The following TMEM178B variants were observed in gnomAD, a reference collection of about 807,000 sequenced individuals.
TMEM178B encodes transmembrane protein 178B.
Under a neutral mutation model 31.0 loss-of-function variants are expected in TMEM178B, and 5 were observed. The observed-to-expected ratio is 0.16, with a 90% CI of 0.08 to 0.34. The LOEUF is 0.34. TMEM178B is among the 10% of genes least tolerant of loss of function. TMEM178B has a pLI of 1.00. For missense variants in TMEM178B, 275 were observed against 400.3 expected (o/e 0.69, Z 2.67); for synonymous variants, 164 against 164.0 (o/e 1.00, Z 0.00).
intron 3 of TMEM178B, among the ~76,000 whole-genome samples, chr7:141,454,135 G>T (rs1424808221): frequency 6.6e-6 from 1 of 151,934 alleles, no homozygotes; most frequent in African/African-American, 2.4e-5. Context: ...TTACCCCTCT[G>T]GCTCAGCTCT....
intron 2 of TMEM178B, among the ~76,000 whole-genome samples, chr7:141,288,489 A>G (rs895309111): frequency 2.0e-5 from 3 of 151,972 alleles, no homozygotes; most frequent in Non-Finnish European, 4.4e-5. Context: ...AAATGAAAAA[A>G]AAAAAAGATT....
At chr7:141,326,546 A>G (rs1283988522) in intron 2 of TMEM178B, among the ~76,000 whole-genome samples, 1 of 152,184 alleles carries the variant, frequency 6.6e-6, no homozygotes, top group Non-Finnish European at 1.5e-5. Flanking sequence ...GAATGTTCCT[A>G]TTATAGATTA....
intron 1 of TMEM178B, among the ~76,000 whole-genome samples, chr7:141,192,132 A>G (rs1796706935): frequency 6.6e-6 from 1 of 152,174 alleles, no homozygotes; most frequent in Non-Finnish European, 1.5e-5. Flanking sequence ...TATATAGTAA[A>G]TTCCCATATT....
intron 1 of TMEM178B, among the ~76,000 whole-genome samples, chr7:141,159,397 C>A (rs151107301): frequency 3.3e-5 from 5 of 152,122 alleles, no homozygotes; most frequent in Non-Finnish European, 7.3e-5. Context: ...TGGTAGCTCC[C>A]CCAAAAATTA....
At chr7:141,240,908 A>G (rs1473029198) in intron 2 of TMEM178B, among the ~76,000 whole-genome samples, 3 of 151,568 alleles carry the variant, frequency 2.0e-5, no homozygotes, top group Non-Finnish European at 4.4e-5. Flanking sequence ...GCACTTCTGG[A>G]CTTCCTGCCT....
At chr7:141,423,395 A>T (rs1169348259) in intron 2 of TMEM178B, among the ~76,000 whole-genome samples, 3 of 152,188 alleles carry the variant, frequency 2.0e-5, no homozygotes, top group African/African-American at 7.2e-5. Flanking sequence ...CAATATAAAC[A>T]ATTACTATTG....
At chr7:141,451,249 AC>A (rs1374197249) in intron 3 of TMEM178B, among the ~76,000 whole-genome samples, 1 of 152,202 alleles carries the variant, frequency 6.6e-6, no homozygotes, top group Non-Finnish European at 1.5e-5. Context: ...CCTCTGTATC[AC>A]CACCTGTAAA....
chr7:141,210,355 T>G (rs1797034331), intron 1 of TMEM178B, among the ~76,000 whole-genome samples: 1 of 152,032 alleles, frequency 6.6e-6, no homozygotes, highest in African/African-American at 2.4e-5. Context: ...TCCCAGCTAC[T>G]TGGGGGCTGA....
chr7:141,424,739 C>T (rs1310050532), intron 2 of TMEM178B, among the ~76,000 whole-genome samples: 1 of 152,174 alleles, frequency 6.6e-6, no homozygotes, highest in Non-Finnish European at 1.5e-5. Context: ...ACATGCATGG[C>T]AGCACAGAGA....
intron 1 of TMEM178B, among the ~76,000 whole-genome samples, chr7:141,141,444 C>T (rs1247532555): frequency 1.3e-5 from 2 of 152,174 alleles, no homozygotes; most frequent in Admixed American, 6.5e-5. Flanking sequence ...GCCAGGTATG[C>T]CCATGGCTAC....
chr7:141,463,826 G>T (rs1802103146), intron 3 of TMEM178B, among the ~76,000 whole-genome samples: 1 of 152,190 alleles, frequency 6.6e-6, no homozygotes, highest in South Asian at 2.1e-4. Context: ...GATAAACGAG[G>T]TTGGCTAGGT....
At chr7:141,211,364 G>A (rs913366342) in intron 1 of TMEM178B, among the ~76,000 whole-genome samples, 3 of 152,198 alleles carry the variant, frequency 2.0e-5, no homozygotes, top group African/African-American at 7.2e-5. Context: ...TTTACAATAA[G>A]GCATCAGTTT....
intron 3 of TMEM178B, among the ~76,000 whole-genome samples, chr7:141,440,582 C>G (rs1801639557): frequency 6.6e-6 from 1 of 152,010 alleles, no homozygotes; most frequent in Admixed American, 6.6e-5. Context: ...AGAGACAGGG[C>G]AGGGCTGAGA....
In TMEM178B at chr7:141,087,536, T is replaced by C. The variant is rs115490170; in HGVS notation, c.382+12844T>C. ...CACTGAGACAGAGAGTAACCAGCTA[T>C]TGAGGGTGTGAGACAAACCCAGAAT... On this transcript the variant is annotated intron_variant, in intron 1 of 3. Transcript: ENST00000565468. Among the ~76,000 whole-genome samples the C allele has an allele frequency of 6.0e-3, 910 of 152,288 alleles. 11 individuals carry two copies. Among genetic ancestry groups the C allele is most frequent in the African/African-American group, 0.021 (863 of 41,548 alleles).
chr7:141,275,670 A>G (rs930807470), intron 2 of TMEM178B, among the ~76,000 whole-genome samples: 1 of 152,212 alleles, frequency 6.6e-6, no homozygotes, highest in Non-Finnish European at 1.5e-5. Flanking sequence ...AAATAGCTCA[A>G]TCAAGGTGCC....
intron 1 of TMEM178B, among the ~76,000 whole-genome samples, chr7:141,102,885 C>T (rs908028782): frequency 1.1e-4 from 17 of 152,134 alleles, no homozygotes; most frequent in Non-Finnish European, 2.2e-4. Flanking sequence ...CCCCATTTCA[C>T]AGAGGAGAAA....
At chr7:141,146,682 A>G (rs1795858309) in intron 1 of TMEM178B, among the ~76,000 whole-genome samples, 1 of 152,196 alleles carries the variant, frequency 6.6e-6, no homozygotes, top group Non-Finnish European at 1.5e-5. Context: ...CTTATTGTGT[A>G]GCAGCATGGC....
Position 141,074,793 on chromosome 7 carries a change from T to G in TMEM178B, c.382+101T>G. Reference sequence around the variant, plus strand: ...CCCAGGCCACAGGCTATCAGGTCTCTGGGTTCCAGGCGGTCCGGTTATCCA... The same window carrying G: ...CCCAGGCCACAGGCTATCAGGTCTCGGGGTTCCAGGCGGTCCGGTTATCCA... On this transcript the variant is annotated intron_variant, in intron 1 of 3. Transcript: ENST00000565468. The surrounding 1 kb of genome is among the most constrained non-coding windows in gnomAD (Gnocchi z 5.1). 30 of 1,405,974 alleles carry G rather than the reference T, an allele frequency of 2.1e-5. No homozygotes were observed. Among genetic ancestry groups the G allele is most frequent in the Non-Finnish European group, 2.4e-5 (26 of 1,074,244 alleles). 87.1% of individuals were successfully genotyped at this position (1,405,974 alleles called of 1,614,324 possible). A position where few individuals can be genotyped will look rare whatever the true frequency, so the allele number is the denominator to read the frequency against.
chr7:141,460,622 C>T (rs947509759), intron 3 of TMEM178B, among the ~76,000 whole-genome samples: 13 of 152,184 alleles, frequency 8.5e-5, no homozygotes, highest in African/African-American at 2.9e-4. Flanking sequence ...TATGGATGGA[C>T]CAGTCCCTGT....
Sources: allele counts gnomAD v4.1 joint callset (sites outside exome capture counted in the v4.1 genomes callset), GRCh38; gene constraint gnomAD v4.1.1; non-coding constraint Gnocchi (gnomAD v3.1); transcripts MANE v1.5; gene names NCBI Gene and HGNC (gene_info 2026-07-23, HGNC 2026-07-21).